Variants in HACE1 observed in about 807,000 individuals in gnomAD.
HACE1 encodes E3 ubiquitin-protein ligase HACE1.
A neutral mutation model predicts 118.4 loss-of-function variants in HACE1; 73 were observed. The ratio of observed to expected loss-of-function variants is 0.62; its 90% CI spans 0.51 to 0.75. HACE1 has a LOEUF of 0.75. Ranked by LOEUF, HACE1 falls within the 30% of genes least tolerant of loss-of-function variation. HACE1 has a pLI of 0.00. For missense variants in HACE1, 749 were observed against 1,102.2 expected, an observed-to-expected ratio of 0.68 and a Z score of 4.54; for synonymous variants, 368 against 374.8, an observed-to-expected ratio of 0.98 and a Z score of 0.21.
At chr6:104,751,892 T>C (rs938448966) in intron 19 of HACE1, among the ~76,000 whole-genome samples, 1 of 137,342 alleles carries the variant, frequency 7.3e-6, no homozygotes, top group African/African-American at 3.0e-5. Context: ...TCTTCCTTTA[T>C]TTTTCTTTTT....
At chr6:104,762,989 CAAAAAAAAA>C (rs56232124) in intron 19 of HACE1, among the ~76,000 whole-genome samples, 9 of 32,256 alleles carry the variant, frequency 2.8e-4, no homozygotes, top group African/African-American at 1.1e-3. Context: ...GACTCCATCT[CAAAAAAAAA>C]AAAAAAAAAA....
At chr6:104,805,085 A>C (rs1770841754) in intron 7 of HACE1, among the ~76,000 whole-genome samples, 1 of 152,222 alleles carries the variant, frequency 6.6e-6, no homozygotes, top group African/African-American at 2.4e-5. Context: ...ACAATTATGC[A>C]ACCAACAGAC....
chr6:104,834,003 C>A (rs1488023313), intron 5 of HACE1, among the ~76,000 whole-genome samples: 1 of 151,994 alleles, frequency 6.6e-6, no homozygotes, highest in Non-Finnish European at 1.5e-5. Context: ...AATTAGCTGG[C>A]CATGGTGGCA....
intron 19 of HACE1, among the ~76,000 whole-genome samples, chr6:104,770,777 C>A (rs571597149): frequency 6.6e-6 from 1 of 152,246 alleles, no homozygotes; most frequent in African/African-American, 2.4e-5. Flanking sequence ...AAAGGTCGAA[C>A]AAACTTACTG....
rs770716775 is a variant in HACE1, at chr6:104,833,043, G to A, written c.533C>T (p.Thr178Met). The A allele has an allele frequency of 1.2e-6, 2 of 1,612,866 alleles. No individual in the cohort carries two copies. The highest frequency in any genetic ancestry group is 1.3e-5 in the African/African-American group (1 of 74,986). Residue 178 changes from threonine to methionine, a missense_variant and splice_region_variant, in exon 6 of 24, where the codon ACG becomes ATG. Thr to Met is a moderately conservative substitution (Grantham distance 81). Around this residue, in one of 5 missense-constraint regions of HACE1, gnomAD observed 267 missense variants for 312.2 expected, o/e 0.86. Coordinates refer to ENST00000262903, the MANE Select transcript of HACE1 (RefSeq NM_020771.4). ...LHVACQNGHK[T>M]TVQCLLDSGA... is the part of the protein sequence containing the mutation. ...TAAAGTCCTCATGGCTCAACTTACCGTCTTGTGACCGTTCTGGCAGGCAAC... is the reference window on the plus strand; with the variant it reads ...TAAAGTCCTCATGGCTCAACTTACCATCTTGTGACCGTTCTGGCAGGCAAC...
chr6:104,858,898 T>C (rs892080943), intron 1 of HACE1, among the ~76,000 whole-genome samples: 8 of 152,186 alleles, frequency 5.3e-5, no homozygotes, highest in Non-Finnish European at 1.0e-4. Context: ...GAACTAAAAG[T>C]CCTGATCCTC....
At chr6:104,844,186 T>C (rs1044635451) in intron 4 of HACE1, among the ~76,000 whole-genome samples, 4 of 149,882 alleles carry the variant, frequency 2.7e-5, no homozygotes, top group African/African-American at 4.9e-5. Context: ...TTCAGGCGCA[T>C]GCCACCATGC....
At position 104,805,502 on chromosome 6, in the gene HACE1, C is replaced by T. The variant is rs1199906036; in HGVS notation, c.617+5809G>A. Among the ~76,000 whole-genome samples, 25 of 152,170 alleles carry T rather than the reference C, an allele frequency of 1.6e-4. 1 individual carries two copies. The highest frequency in any genetic ancestry group is 1.6e-3 in the Admixed American group (25 of 15,278). ...GGATTAAGAAAATGTGGCACAGATACACCATGGAATACTATGCAGCCATAA... is the reference window on the plus strand; with the variant it reads ...GGATTAAGAAAATGTGGCACAGATATACCATGGAATACTATGCAGCCATAA... On this transcript the variant is annotated intron_variant, in intron 7 of 23. Transcript: ENST00000262903.
At chr6:104,832,381 T>TTTGTTG (rs3035082) in intron 6 of HACE1, among the ~76,000 whole-genome samples, 1 of 150,846 alleles carries the variant, frequency 6.6e-6, no homozygotes, top group African/African-American at 2.4e-5. Flanking sequence ...TTTCCTGTTT[T>TTTGTTG]TTGTTGTTGT....
intron 6 of HACE1, among the ~76,000 whole-genome samples, chr6:104,823,125 A>T (rs529315980): frequency 9.2e-5 from 14 of 152,208 alleles, no homozygotes; most frequent in Non-Finnish European, 1.8e-4. Context: ...ATTTTTTTTT[A>T]AGAGAGAAAA....
At chr6:104,743,315 T>G (rs56109260) in intron 22 of HACE1, among the ~76,000 whole-genome samples, 35,484 of 150,942 alleles carry the variant, frequency 0.24, 4,518 homozygotes, top group African/African-American at 0.34. Flanking sequence ...AGTATAATAA[T>G]AAAAAAAAAT....
At chr6:104,736,311 G>T (rs970497926) in intron 22 of HACE1, among the ~76,000 whole-genome samples, 1 of 151,600 alleles carries the variant, frequency 6.6e-6, no homozygotes, top group Non-Finnish European at 1.5e-5. Flanking sequence ...TTGAGACAGG[G>T]TCTCACACTG....
intron 19 of HACE1, among the ~76,000 whole-genome samples, chr6:104,756,876 C>G (rs537723807): frequency 6.6e-6 from 1 of 152,356 alleles, no homozygotes; most frequent in South Asian, 2.1e-4. Context: ...TCGCAACTGG[C>G]AGACCAGGAG....
In HACE1 at chr6:104,772,080, G is replaced by C; in HGVS notation, c.1865-6C>G. 1 of 1,462,280 alleles carries C rather than the reference G, an allele frequency of 6.8e-7. No homozygotes were observed. 90.6% of individuals were successfully genotyped at this position (1,462,280 alleles called of 1,614,324 possible). On this transcript the variant is annotated splice_polypyrimidine_tract_variant and splice_region_variant and intron_variant, in intron 17 of 23. Transcript: ENST00000262903. ...ATTAGGCTGAAAAGTTGTTCCTATT[G>C]AAATAAATACAAAATAATATATTAT... is the stretch of plus-strand genomic sequence containing the variant.
At chr6:104,827,179 C>G (rs1250749562) in intron 6 of HACE1, among the ~76,000 whole-genome samples, 1 of 152,126 alleles carries the variant, frequency 6.6e-6, no homozygotes, top group Admixed American at 6.5e-5. Flanking sequence ...CAAGGCAGCC[C>G]TACTTTATCA....
intron 11 of HACE1, among the ~76,000 whole-genome samples, chr6:104,789,355 T>A (rs866258242): frequency 5.9e-5 from 9 of 152,022 alleles, no homozygotes; most frequent in Admixed American, 3.9e-4. Flanking sequence ...AGAAAATAAG[T>A]GATGAGAAGA....
rs1775001146 is a variant in HACE1, at chr6:104,729,729, T to C, written c.2663A>G (p.Lys888Arg). The change falls in exon 24 of 24, where the codon AAA (lysine) becomes AGA (arginine). Residue 888 changes from lysine (K) to arginine (R), a missense_variant. Transcript: ENST00000262903. Reference sequence around the variant, plus strand: ...AAGAAGTCTGTCCTTGAGTATTTCTTTACTTGGGTATTCAGGTAACTTGAG... The same window carrying C: ...AAGAAGTCTGTCCTTGAGTATTTCTCTACTTGGGTATTCAGGTAACTTGAG... ...NMLKLPEYPS[K>R]EILKDRLLVA... 1 of 1,571,980 alleles carries C rather than the reference T, an allele frequency of 6.4e-7. No homozygotes were observed. The highest frequency in any genetic ancestry group is 1.7e-4 in the Middle Eastern group (1 of 5,996).
chr6:104,848,523 T>A (rs535922354), intron 4 of HACE1, among the ~76,000 whole-genome samples: 15 of 152,138 alleles, frequency 9.9e-5, no homozygotes, highest in African/African-American at 3.4e-4. Flanking sequence ...AAATACTTAT[T>A]TTCATTTTAA....
intron 7 of HACE1, 46 bp from the exon 8 acceptor site, chr6:104,797,071 C>T (rs765406141): frequency 9.6e-7 from 1 of 1,045,452 alleles, no homozygotes; most frequent in Non-Finnish European, 1.5e-6. Context: ...TTTTTAAAGT[C>T]TTTCTCTATG....
Sources: gnomAD v4.1 joint callset for allele counts (sites outside exome capture counted in the v4.1 genomes callset) on GRCh38, gnomAD v4.1.1 for gene constraint, gnomAD v4.1.1 regional missense constraint, MANE v1.5 for transcripts, NCBI Gene and HGNC (gene_info 2026-07-23, HGNC 2026-07-21) for gene names.